Variants in INPP4B observed in about 807,000 individuals in gnomAD.
The protein encoded by INPP4B is inositol polyphosphate-4-phosphatase type II B.
INPP4B carries 55 observed loss-of-function variants against 122.5 expected under a neutral mutation model. The ratio of observed to expected loss-of-function variants is 0.45; its 90% CI spans 0.36 to 0.56. The LOEUF (loss-of-function observed/expected upper bound fraction) is 0.56, where lower values mean the gene tolerates loss of function less well. Among genes scored for constraint, INPP4B ranks in the 20% least tolerant of loss-of-function variants. The pLI is 0.00. For synonymous variants in INPP4B, 403 were observed against 388.7 expected (o/e 1.04, Z -0.43); for missense variants, 1,000 against 1,097.7 (o/e 0.91, Z 1.26).
intron 15 of INPP4B, among the ~76,000 whole-genome samples, chr4:142,184,714 G>T (rs1199300687): frequency 6.6e-6 from 1 of 152,170 alleles, no homozygotes; most frequent in Non-Finnish European, 1.5e-5. Flanking sequence ...AGCAGACTTG[G>T]CTTAGACAAG....
At chr4:142,362,950 C>T (rs1463457976) in intron 7 of INPP4B, among the ~76,000 whole-genome samples, 1 of 152,004 alleles carries the variant, frequency 6.6e-6, no homozygotes, top group African/African-American at 2.4e-5. Flanking sequence ...GCAATATATC[C>T]TTGTAAGACA....
intron 2 of INPP4B, among the ~76,000 whole-genome samples, chr4:142,545,808 C>CATGTATATGTGTGTATAT (rs1560782607): frequency 1.7e-4 from 14 of 80,146 alleles, no homozygotes; most frequent in African/African-American, 4.4e-4. Context: ...TATATATACA[C>CATGTATATGTGTGTATAT]ATATACATGT....
chr4:142,208,631 A>T, intron 13 of INPP4B, 102 bp from the exon 14 acceptor site: 1 of 619,132 alleles, frequency 1.6e-6, no homozygotes, highest in Non-Finnish European at 2.6e-6. Flanking sequence ...AACTTCAGAA[A>T]GAAAAACATA....
At chr4:142,369,621 TA>T (rs1020410406) in intron 7 of INPP4B, among the ~76,000 whole-genome samples, 1 of 131,756 alleles carries the variant, frequency 7.6e-6, no homozygotes, top group Non-Finnish European at 1.7e-5. Context: ...TAAATAAAAA[TA>T]AAAAAATAAA....
chr4:142,532,409 T>C (rs1419252938), intron 2 of INPP4B, among the ~76,000 whole-genome samples: 2 of 152,192 alleles, frequency 1.3e-5, no homozygotes, highest in Non-Finnish European at 2.9e-5. Context: ...CTGGTCGTTC[T>C]GCTTTACTTT....
At chr4:142,563,241 T>C (rs1730846922) in intron 2 of INPP4B, among the ~76,000 whole-genome samples, 2 of 152,224 alleles carry the variant, frequency 1.3e-5, no homozygotes, top group African/African-American at 4.8e-5. Flanking sequence ...ATTGGCAACA[T>C]GTCCACTGTC....
chr4:142,731,662 C>T (rs1057374440), intron 1 of INPP4B, among the ~76,000 whole-genome samples: 14 of 152,142 alleles, frequency 9.2e-5, no homozygotes, highest in African/African-American at 3.4e-4. Context: ...CTTCATTTCC[C>T]TTCTTTCTAA....
At chr4:142,400,078 C>CA (rs1562015338) in intron 7 of INPP4B, among the ~76,000 whole-genome samples, 1 of 152,178 alleles carries the variant, frequency 6.6e-6, no homozygotes, top group Admixed American at 6.5e-5. Flanking sequence ...AGTGAGGTAA[C>CA]ATCTGCATCA....
At chr4:142,270,570 TTTCAAACCCCACAGAGATG>T in intron 10 of INPP4B, 74 bp downstream of exon 10, 5 of 862,846 alleles carry the variant, frequency 5.8e-6, no homozygotes, top group Non-Finnish European at 9.7e-6. Context: ...GATAATGAGA[TTTCAAACCCCACAGAGATG>T]TTGGTGAGAC....
intron 2 of INPP4B, among the ~76,000 whole-genome samples, chr4:142,641,377 G>A (rs983078223): frequency 8.6e-5 from 13 of 151,546 alleles, no homozygotes; most frequent in African/African-American, 1.9e-4. Context: ...CCATTAACTC[G>A]TCATTTACAT....
intron 5 of INPP4B, among the ~76,000 whole-genome samples, chr4:142,420,222 T>C (rs1806579732): frequency 6.6e-6 from 1 of 152,120 alleles, no homozygotes; most frequent in African/African-American, 2.4e-5. Flanking sequence ...TATCCCTTAA[T>C]TAAAAAGTTC....
At chr4:142,345,678 T>G (rs1400511476) in intron 7 of INPP4B, among the ~76,000 whole-genome samples, 1 of 151,974 alleles carries the variant, frequency 6.6e-6, no homozygotes, top group African/African-American at 2.4e-5. Context: ...GTTAAGTGGT[T>G]TAATTCCCAT....
intron 5 of INPP4B, among the ~76,000 whole-genome samples, chr4:142,428,927 A>T (rs1808696432): frequency 6.6e-6 from 1 of 151,944 alleles, no homozygotes; most frequent in Non-Finnish European, 1.5e-5. Context: ...CTGGGCATGG[A>T]ATGTGAGATC....
chr4:142,450,154 C>G (rs1399428689), intron 3 of INPP4B, among the ~76,000 whole-genome samples: 1 of 152,176 alleles, frequency 6.6e-6, no homozygotes, highest in Non-Finnish European at 1.5e-5. Flanking sequence ...TCTCCCCAGC[C>G]TCAGCTCTGC....
At chr4:142,826,363 T>C (rs895009804) in intron 1 of INPP4B, among the ~76,000 whole-genome samples, 1 of 152,150 alleles carries the variant, frequency 6.6e-6, no homozygotes, top group African/African-American at 2.4e-5. Context: ...GGCTTCAGCC[T>C]ATTACCTAAG....
At chr4:142,586,563 T>C (rs1736249748) in intron 2 of INPP4B, among the ~76,000 whole-genome samples, 1 of 152,150 alleles carries the variant, frequency 6.6e-6, no homozygotes, top group Non-Finnish European at 1.5e-5. Context: ...TAACATTCTG[T>C]TTCATTAACA....
At chr4:142,321,555 A>G (rs1188347973) in intron 7 of INPP4B, among the ~76,000 whole-genome samples, 2 of 152,046 alleles carry the variant, frequency 1.3e-5, no homozygotes, top group African/African-American at 4.8e-5. Context: ...AATTTTTATG[A>G]TTTCAGGTCT....
intron 2 of INPP4B, among the ~76,000 whole-genome samples, chr4:142,690,303 T>C (rs927234753): frequency 4.6e-5 from 7 of 152,160 alleles, no homozygotes; most frequent in Admixed American, 3.9e-4. Context: ...TTAAAGGTAA[T>C]GTTTGTTCTT....
chr4:142,078,894 T>C (rs1772296845), intron 25 of INPP4B, among the ~76,000 whole-genome samples: 1 of 151,968 alleles, frequency 6.6e-6, no homozygotes, highest in Admixed American at 6.6e-5. Context: ...TGATGTTAAA[T>C]AAAATTAAAA....
Sources: gnomAD v4.1 joint callset for allele counts (sites outside exome capture counted in the v4.1 genomes callset) on GRCh38, gnomAD v4.1.1 for gene constraint, MANE v1.5 for transcripts, NCBI Gene and HGNC (gene_info 2026-07-23, HGNC 2026-07-21) for gene names.